GUCY1A2: variants seen among roughly 807,000 people sequenced by gnomAD.
GUCY1A2 encodes the protein guanylate cyclase soluble subunit alpha-2.
Under a neutral mutation model 63.5 loss-of-function variants are expected in GUCY1A2, and 27 were observed. The ratio of observed to expected loss-of-function variants is 0.43; its 90% CI spans 0.31 to 0.59. GUCY1A2 has a LOEUF of 0.59. GUCY1A2 is among the 20% of genes least tolerant of loss of function. GUCY1A2 has a pLI of 0.11. For synonymous variants in GUCY1A2, 364 were observed against 343.5 expected (o/e 1.06, Z -0.66); for missense variants, 768 against 913.3 (o/e 0.84, Z 2.05).
intron 6 of GUCY1A2, among the ~76,000 whole-genome samples, chr11:106,741,105 A>C (rs192463304): frequency 1.1e-4 from 17 of 152,352 alleles, no homozygotes; most frequent in Admixed American, 3.9e-4. Flanking sequence ...TAGGAGATGT[A>C]CACAATTTCA....
chr11:106,810,044 A>G lies in GUCY1A2; in HGVS notation c.1641T>C (p.Asn547=). 1 of 1,612,576 alleles carries G rather than the reference A, an allele frequency of 6.2e-7. No individual in the cohort carries two copies. The highest frequency in any genetic ancestry group is 1.1e-5 in the South Asian group (1 of 91,066). ...CTPMQVISML[N]ELYTRFDHQC... is the part of the protein sequence containing the mutation. ...GGTGGTCAAATCTGGTGTACAGTTC[A>G]TTCAGCATGCTGATTACTTGCATGG... The change falls in exon 5 of 8, where the codon AAT becomes AAC. Residue 547 remains asparagine (N), a synonymous_variant. Transcript: ENST00000526355.
In GUCY1A2 at chr11:106,680,893, A is replaced by G. The variant is rs934219710; in HGVS notation, c.*6656T>C. 1 of 203,822 alleles carries G rather than the reference A, an allele frequency of 4.9e-6. No homozygotes were observed. The highest frequency in any genetic ancestry group is 2.3e-5 in the African/African-American group (1 of 43,628). 12.6% of individuals were successfully genotyped at this position (203,822 alleles called of 1,614,324 possible). A position where few individuals can be genotyped will look rare whatever the true frequency, so the allele number is the denominator to read the frequency against. ...ATCTTATTTAGATGCTTAGGAATGA[A>G]TCCTAAGCTTATATGCTAAATCATA... is the stretch of plus-strand genomic sequence containing the variant. On this transcript the variant is annotated 3_prime_UTR_variant, in exon 8 of 8. Transcript: ENST00000526355.
chr11:106,679,970 T>G lies in GUCY1A2; in HGVS notation c.*7579A>C, dbSNP rs1862406203. ...TGTGAAGGGTTTCTCTTTTTTTGTCTTTCTCTTTTCTTTTTAAAAATGAGT... is the reference window on the plus strand; with the variant it reads ...TGTGAAGGGTTTCTCTTTTTTTGTCGTTCTCTTTTCTTTTTAAAAATGAGT... On this transcript the variant is annotated 3_prime_UTR_variant, in exon 8 of 8. Coordinates refer to ENST00000526355, the MANE Select transcript of GUCY1A2 (RefSeq NM_000855.3). 1 of 218,026 alleles carries G rather than the reference T, an allele frequency of 4.6e-6. No individual in the cohort carries two copies. The highest frequency in any genetic ancestry group is 2.2e-5 in the African/African-American group (1 of 44,476). 13.5% of individuals were successfully genotyped at this position (218,026 alleles called of 1,614,324 possible). A position where few individuals can be genotyped will look rare whatever the true frequency, so the allele number is the denominator to read the frequency against.
chr11:106,861,304 AATTGTGT>A (rs57526782), intron 4 of GUCY1A2, among the ~76,000 whole-genome samples: 55,759 of 151,372 alleles, frequency 0.37, 10,605 homozygotes, highest in Middle Eastern at 0.46. Context: ...TTGCTGTATA[AATTGTGT>A]GAAATGTCAT....
At chr11:106,767,443 T>G (rs1447509016) in intron 6 of GUCY1A2, among the ~76,000 whole-genome samples, 1 of 152,122 alleles carries the variant, frequency 6.6e-6, no homozygotes, top group Non-Finnish European at 1.5e-5. Context: ...AAGGACTGCT[T>G]GGGAAATCTG....
intron 4 of GUCY1A2, among the ~76,000 whole-genome samples, chr11:106,902,320 T>C (rs1229370216): frequency 6.6e-6 from 1 of 152,210 alleles, no homozygotes; most frequent in African/African-American, 2.4e-5. Flanking sequence ...CTATTTATAG[T>C]AGAGGTAGAA....
intron 5 of GUCY1A2, among the ~76,000 whole-genome samples, chr11:106,791,578 C>T (rs114229856): frequency 6.6e-6 from 1 of 152,020 alleles, no homozygotes; most frequent in African/African-American, 2.4e-5. Context: ...TCTTGATCCA[C>T]CCCTCAATAA....
chr11:106,948,712 C>T (rs1332286416), intron 3 of GUCY1A2, among the ~76,000 whole-genome samples: 6 of 152,012 alleles, frequency 3.9e-5, no homozygotes, highest in Non-Finnish European at 8.8e-5. Flanking sequence ...TGCAAAAAAG[C>T]ATAAAATTAT....
rs1862312516 is a variant in GUCY1A2, at chr11:106,674,459, C to T, written c.*13090G>A. 1 of 175,512 alleles carries T rather than the reference C, an allele frequency of 5.7e-6. No homozygotes were observed. The highest frequency in any genetic ancestry group is 2.4e-5 in the African/African-American group (1 of 42,090). The allele number at this position is 175,512 out of a possible 1,614,324, so 10.9% of individuals were successfully genotyped here. ...CAGAAAAAGTTTCTTTAAACCTGTA[C>T]TACTAGATAAAGAAAAATATTTTAA... On this transcript the variant is annotated 3_prime_UTR_variant, in exon 8 of 8. Transcript: ENST00000526355.
At chr11:106,784,580 C>G (rs961742011) in intron 5 of GUCY1A2, among the ~76,000 whole-genome samples, 1 of 152,154 alleles carries the variant, frequency 6.6e-6, no homozygotes. Context: ...TGGGCATAAG[C>G]ATAAGCATTT....
intron 4 of GUCY1A2, among the ~76,000 whole-genome samples, chr11:106,884,410 G>T (rs1199351834): frequency 1.3e-5 from 2 of 152,120 alleles, no homozygotes; most frequent in East Asian, 3.9e-4. Flanking sequence ...TCAAGGGAAG[G>T]ATACTTCAGA....
chr11:106,782,691 T>C (rs1864485711), intron 5 of GUCY1A2, among the ~76,000 whole-genome samples: 1 of 152,072 alleles, frequency 6.6e-6, no homozygotes, highest in African/African-American at 2.4e-5. Flanking sequence ...AAGTCTTTGG[T>C]GACTAGAAAC....
At chr11:106,943,559 C>T (rs1397721459) in intron 3 of GUCY1A2, among the ~76,000 whole-genome samples, 1 of 152,172 alleles carries the variant, frequency 6.6e-6, no homozygotes, top group Non-Finnish European at 1.5e-5. Flanking sequence ...GCTATCCCAC[C>T]CCACCTCAGA....
At chr11:107,017,436 G>GA (rs1219981581) in intron 1 of GUCY1A2, among the ~76,000 whole-genome samples, 1 of 152,218 alleles carries the variant, frequency 6.6e-6, no homozygotes, top group African/African-American at 2.4e-5. Flanking sequence ...AGGTGGGTGT[G>GA]AAGCAGCACT....
At chr11:106,819,699 G>T (rs1858876300) in intron 4 of GUCY1A2, among the ~76,000 whole-genome samples, 1 of 152,130 alleles carries the variant, frequency 6.6e-6, no homozygotes, top group Admixed American at 6.6e-5. Context: ...AAAAAATATT[G>T]TGTGATTTGC....
At chr11:106,820,407 T>G (rs908677393) in intron 4 of GUCY1A2, among the ~76,000 whole-genome samples, 1 of 152,040 alleles carries the variant, frequency 6.6e-6, no homozygotes, top group Non-Finnish European at 1.5e-5. Context: ...AAAAAAATAT[T>G]ATTTATTTAG....
At chr11:106,914,077 G>A (rs191493765) in intron 4 of GUCY1A2, among the ~76,000 whole-genome samples, 1 of 151,324 alleles carries the variant, frequency 6.6e-6, no homozygotes, top group African/African-American at 2.4e-5. Flanking sequence ...GAGAGAGAGG[G>A]CCAGTGAGAC....
chr11:106,950,123 G>A (rs1408200509), intron 3 of GUCY1A2, among the ~76,000 whole-genome samples: 1 of 152,182 alleles, frequency 6.6e-6, no homozygotes, highest in Non-Finnish European at 1.5e-5. Flanking sequence ...ACAAATTCTT[G>A]TTCCTTTGCC....
rs146190208 is a variant in GUCY1A2, at chr11:106,982,231, G to A, written c.366-3491C>T. Among the ~76,000 whole-genome samples the A allele has an allele frequency of 2.6e-5, 4 of 152,166 alleles. No homozygotes were observed. The East Asian group carries it at 7.7e-4, about 29-fold the overall frequency. On this transcript the variant is annotated intron_variant, in intron 2 of 7. Transcript: ENST00000526355. Reference sequence around the variant, plus strand: ...TTCCACAACATACAAAGAGAAGAAAGGGCACTATGGCAAGAATTATATCAG... The same window carrying A: ...TTCCACAACATACAAAGAGAAGAAAAGGCACTATGGCAAGAATTATATCAG...
Sources: gnomAD v4.1 joint callset for allele counts (sites outside exome capture counted in the v4.1 genomes callset) on GRCh38, gnomAD v4.1.1 for gene constraint, MANE v1.5 for transcripts, NCBI Gene and HGNC (gene_info 2026-07-23, HGNC 2026-07-21) for gene names.